Variants in PCSK5 observed in about 807,000 individuals in gnomAD.
PCSK5 encodes the protein prohormone convertase 5.
PCSK5 carries 129 observed loss-of-function variants against 233.2 expected under a neutral mutation model. The observed-to-expected ratio is 0.55, with a 90% CI of 0.48 to 0.64. The LOEUF is 0.64. PCSK5 is among the 30% of genes least tolerant of loss of function. PCSK5 has a pLI of 0.00. For synonymous variants in PCSK5, 825 were observed against 879.2 expected (o/e 0.94, Z 1.09); for missense variants, 2,076 against 2,430.1 (o/e 0.85, Z 3.06).
chr9:75,950,892 A>G (rs1396206247), intron 2 of PCSK5, among the ~76,000 whole-genome samples: 1 of 152,206 alleles, frequency 6.6e-6, no homozygotes. Context: ...GACACAAACA[A>G]GGGCCTTTTA....
intron 20 of PCSK5, chr9:76,195,846 C>A (rs1487148574): frequency 1.3e-5 from 2 of 152,014 alleles, no homozygotes; most frequent in African/African-American, 4.8e-5. Context: ...CAATGTTATT[C>A]CATATTTTAT....
intron 2 of PCSK5, among the ~76,000 whole-genome samples, chr9:75,956,303 C>T (rs773182019): frequency 2.0e-5 from 3 of 152,306 alleles, no homozygotes; most frequent in Non-Finnish European, 2.9e-5. Context: ...TCTTGATAAC[C>T]TGTAGAGTGA....
intron 30 of PCSK5, among the ~76,000 whole-genome samples, chr9:76,316,156 T>C (rs1304495062): frequency 1.3e-5 from 2 of 152,048 alleles, no homozygotes; most frequent in Non-Finnish European, 2.9e-5. Context: ...GGGCCTGATC[T>C]TACAAAGCTC....
At chr9:76,176,942 A>G (rs980121931) in intron 14 of PCSK5, among the ~76,000 whole-genome samples, 3 of 152,150 alleles carry the variant, frequency 2.0e-5, no homozygotes, top group Admixed American at 1.3e-4. Context: ...GGAGCATTCA[A>G]TCCTTCTAAG....
chr9:76,147,375 G>A (rs1205551228), intron 10 of PCSK5, among the ~76,000 whole-genome samples: 1 of 152,162 alleles, frequency 6.6e-6, no homozygotes, highest in Non-Finnish European at 1.5e-5. Context: ...CTGGCATGAG[G>A]GAAGGGGTAT....
At chr9:76,262,508 C>G (rs4392967) in intron 24 of PCSK5, among the ~76,000 whole-genome samples, 6,043 of 142,498 alleles carry the variant, frequency 0.042, 312 homozygotes, top group African/African-American at 0.13. Flanking sequence ...ACAAACCTGA[C>G]AAAAACAAAC....
rs920013033 is a variant in PCSK5 at position 76,110,695 on chromosome 9, C to CA, written c.1208+3353dup. 3.4e-4 allele frequency among the ~76,000 whole-genome samples: 51 copies of CA among 148,788 alleles called. 1 individual carries two copies. Among genetic ancestry groups the CA allele is most frequent in the East Asian group, 9.8e-4 (5 of 5,098 alleles). On this transcript the variant is annotated intron_variant, in intron 9 of 37. Transcript: ENST00000674117. ...CAGGCAACAGAATGAGACCTTATCTCAAAAAAAAAGGTTGTGGGGGAGAAA... is the reference window on the plus strand; with the variant it reads ...CAGGCAACAGAATGAGACCTTATCTCAAAAAAAAAAGGTTGTGGGGGAGAAA...
chr9:76,253,434 T>C (rs755106758), intron 24 of PCSK5, among the ~76,000 whole-genome samples: 4 of 152,186 alleles, frequency 2.6e-5, no homozygotes, highest in African/African-American at 4.8e-5. Context: ...CCTCATTGTC[T>C]AAATGATACC....
At chr9:76,198,370 CAG>C (rs1381984909) in intron 20 of PCSK5, among the ~76,000 whole-genome samples, 1 of 152,096 alleles carries the variant, frequency 6.6e-6, no homozygotes, top group African/African-American at 2.4e-5. Flanking sequence ...TTTTAGAAAA[CAG>C]TACATTATTT....
intron 20 of PCSK5, among the ~76,000 whole-genome samples, chr9:76,197,585 A>T (rs115573809): frequency 0.012 from 1,820 of 152,356 alleles, 28 homozygotes; most frequent in African/African-American, 0.041. Flanking sequence ...ATTCATTCTT[A>T]ACAGCTTCCA....
At chr9:76,100,198 A>G (rs969824058) in intron 8 of PCSK5, among the ~76,000 whole-genome samples, 2 of 152,226 alleles carry the variant, frequency 1.3e-5, no homozygotes, top group Non-Finnish European at 2.9e-5. Context: ...GGAAGCGTTC[A>G]AAGTATAAAG....
Position 76,189,666 on chromosome 9 carries a change from G to A in PCSK5, c.2546G>A (p.Gly849Glu), listed in dbSNP as rs764935879. 2 of 1,613,000 alleles carry A rather than the reference G, an allele frequency of 1.2e-6. No homozygotes were observed. Among genetic ancestry groups the A allele is most frequent in the South Asian group, 1.1e-5 (1 of 91,062 alleles). ...AGTTGTTTGACGTGCAATGGCCCAGGATTCAAGAACTGTACAAGCTGCCCT... is the reference window on the plus strand; with the variant it reads ...AGTTGTTTGACGTGCAATGGCCCAGAATTCAAGAACTGTACAAGCTGCCCT... ...DISCLTCNGP[G>E]FKNCTSCPSG... The change falls in exon 20 of 38, where the codon GGA becomes GAA. Residue 849 changes from glycine (G) to glutamate (E), a missense_variant. Gly to Glu is a moderately conservative substitution (Grantham distance 98). Around this residue, in one of 6 missense-constraint regions of PCSK5, gnomAD observed 1,510 missense variants for 1,538.1 expected, o/e 0.98. Transcript: ENST00000674117.
intron 5 of PCSK5, among the ~76,000 whole-genome samples, chr9:76,041,568 G>A (rs1829116986): frequency 6.6e-6 from 1 of 152,066 alleles, no homozygotes; most frequent in Non-Finnish European, 1.5e-5. Flanking sequence ...ATGGCCAGGT[G>A]CGGTGGCTCA....
intron 7 of PCSK5, among the ~76,000 whole-genome samples, chr9:76,079,947 A>G (rs1248801693): frequency 6.6e-6 from 1 of 152,142 alleles, no homozygotes; most frequent in Non-Finnish European, 1.5e-5. Context: ...TTTTAATTAT[A>G]TTTATGTGGT....
chr9:76,345,563 C>A, intron 35 of PCSK5, among the ~76,000 whole-genome samples: 1 of 152,000 alleles, frequency 6.6e-6, no homozygotes. Flanking sequence ...GGACTACAGG[C>A]GCCTGCTGCC....
At chr9:76,048,587 A>C (rs535903279) in intron 5 of PCSK5, among the ~76,000 whole-genome samples, 1 of 152,230 alleles carries the variant, frequency 6.6e-6, no homozygotes. Flanking sequence ...AAGTTCTTTC[A>C]AAGTAAGATG....
intron 1 of PCSK5, among the ~76,000 whole-genome samples, chr9:75,904,674 C>T (rs1826184059): frequency 6.6e-6 from 1 of 152,124 alleles, no homozygotes; most frequent in Non-Finnish European, 1.5e-5. Flanking sequence ...TGCAATTCTC[C>T]AATTTACAAT....
At chr9:76,083,851 A>T (rs111350107) in intron 7 of PCSK5, among the ~76,000 whole-genome samples, 1 of 152,256 alleles carries the variant, frequency 6.6e-6, no homozygotes, top group Non-Finnish European at 1.5e-5. Context: ...AGTAATAATC[A>T]TAATAAACTT....
intron 2 of PCSK5, among the ~76,000 whole-genome samples, chr9:75,979,131 G>A (rs993950414): frequency 8.6e-5 from 13 of 151,960 alleles, no homozygotes; most frequent in African/African-American, 2.9e-4. Flanking sequence ...TGGGATTATC[G>A]CGTCCACCCT....
Sources: gnomAD v4.1 joint callset for allele counts (sites outside exome capture counted in the v4.1 genomes callset) on GRCh38, gnomAD v4.1.1 for gene constraint, gnomAD v4.1.1 regional missense constraint, MANE v1.5 for transcripts, NCBI Gene and HGNC (gene_info 2026-07-23, HGNC 2026-07-21) for gene names.